Variants in INTS12 observed in about 807,000 individuals in gnomAD.
INTS12 encodes integrator complex subunit 12, also known as PHD finger protein 22.
A neutral mutation model predicts 41.6 loss-of-function variants in INTS12; 13 were observed. The observed-to-expected ratio is 0.31, with a 90% CI of 0.20 to 0.50. The LOEUF is 0.50. INTS12 is among the 20% of genes least tolerant of loss of function. The probability of loss-of-function intolerance (pLI) is 0.98; values close to 1 mark genes in which losing one functional copy is unlikely to be tolerated. For missense variants in INTS12, 432 were observed against 541.6 expected, an observed-to-expected ratio of 0.80 and a Z score of 2.01; for synonymous variants, 199 against 191.4, an observed-to-expected ratio of 1.04 and a Z score of -0.33.
At chr4:105,696,097 C>T (rs1029872477) in intron 3 of INTS12, among the ~76,000 whole-genome samples, 9 of 152,142 alleles carry the variant, frequency 5.9e-5, no homozygotes, top group Admixed American at 3.3e-4. Context: ...ATGATCCGCC[C>T]ACCTCGGCCT....
rs1731999323 is a variant in INTS12 at position 105,699,899 on chromosome 4, T to A, written c.107A>T (p.Asp36Val). The change falls in exon 3 of 8, where the codon GAT (aspartate) becomes GTT (valine). Residue 36 changes from aspartate to valine, a missense_variant. This residue lies in a region of INTS12 where 168 missense variants were observed against 198.9 expected (regional missense o/e 0.84). Transcript: ENST00000340139. Reference protein sequence around the residue: ...DSAEKLKALLDESLARGIDSS... With the variant: ...DSAEKLKALLVESLARGIDSS... ...ATCAATGCCCCGAGCCAAAGATTCA[T>A]CAAGCAGTGCTTTTAGCTTTTCAGC... The A allele has an allele frequency of 1.9e-6, 3 of 1,557,784 alleles. No homozygotes were observed. The East Asian group carries it at 6.8e-5, about 35-fold the overall frequency.
rs1437309532 is a variant in INTS12, at chr4:105,692,022, C to T, written c.611G>A (p.Arg204His). The T allele has an allele frequency of 6.2e-7, 1 of 1,608,044 alleles. No individual in the cohort carries two copies. Among genetic ancestry groups the T allele is most frequent in the Non-Finnish European group, 8.5e-7 (1 of 1,177,388 alleles). ...ACATCGGGCACAATACCACACCAGG[C>T]GAGGGTCATTCGCTTCCTTGTCTGT... Reference protein sequence around the residue: ...QVTDKEANDPRLVWYCARCTR... With the variant: ...QVTDKEANDPHLVWYCARCTR... Residue 204 changes from arginine to histidine, a missense_variant, in exon 6 of 8, where the codon CGC (arginine) becomes CAC (histidine). Coordinates refer to ENST00000340139, the MANE Select transcript of INTS12 (RefSeq NM_020395.4).
rs753268208 is a variant in INTS12 at position 105,682,742 on chromosome 4, G to C, written c.1380C>G (p.Leu460=). The C allele has an allele frequency of 1.2e-6, 2 of 1,613,004 alleles. No homozygotes were observed. Among genetic ancestry groups the C allele is most frequent in the Non-Finnish European group, 1.7e-6 (2 of 1,179,254 alleles). Residue 460 remains leucine, a synonymous_variant, in exon 8 of 8, where the codon CTC becomes CTG. Coordinates refer to ENST00000340139, the MANE Select transcript of INTS12 (RefSeq NM_020395.4). ...AACCTACTTGGCCACATTACTTCTTGAGTTTCTTTTGGGCAGCTTTCTTCT... is the reference window on the plus strand; with the variant it reads ...AACCTACTTGGCCACATTACTTCTTCAGTTTCTTTTGGGCAGCTTTCTTCT... ...MVKKKAAQKK[L]KK
At chr4:105,708,125 G>A in intron 1 of INTS12, 2 of 985,402 alleles carry the variant, frequency 2.0e-6, no homozygotes, top group African/African-American at 1.7e-5. Flanking sequence ...CCTCCACTGA[G>A]TTCTTGGTTC....
chr4:105,693,264 A>T, intron 5 of INTS12, 35 bp downstream of exon 5: 1 of 1,522,932 alleles, frequency 6.6e-7, no homozygotes, highest in Non-Finnish European at 8.9e-7. Context: ...TTCTTTATAA[A>T]GTAACAAAAG....
chr4:105,682,867 T>C lies in INTS12; in HGVS notation c.1255A>G (p.Lys419Glu), dbSNP rs1385789223. The C allele has an allele frequency of 6.2e-7, 1 of 1,614,004 alleles. No homozygotes were observed. Among genetic ancestry groups the C allele is most frequent in the Non-Finnish European group, 8.5e-7 (1 of 1,179,972 alleles). The change falls in exon 8 of 8, where the codon AAA (lysine) becomes GAA (glutamate). Residue 419 changes from lysine (K) to glutamate (E), a missense_variant. Around this residue, in one of 3 missense-constraint regions of INTS12, gnomAD observed 258 missense variants for 309.9 expected, o/e 0.83. Coordinates refer to ENST00000340139, the MANE Select transcript of INTS12 (RefSeq NM_020395.4). ...TSGPSGSTTSKTTSESSSSPS... is the reference protein window; with the variant it reads ...TSGPSGSTTSETTSESSSSPS... ...GAGCTGCTGGATTCTGAAGTAGTTT[T>C]GCTGGTAGTACTTCCACTAGGTCCT...
chr4:105,700,020 G>T lies in INTS12; in HGVS notation c.-9-6C>A. ...GTAGCAGCCATTGCAAACGCCTGAAGGAAAAAAAGAGAAAGTAATCTAGAA... is the reference window on the plus strand; with the variant it reads ...GTAGCAGCCATTGCAAACGCCTGAATGAAAAAAAGAGAAAGTAATCTAGAA... On this transcript the variant is annotated splice_region_variant and splice_polypyrimidine_tract_variant and intron_variant, in intron 2 of 7. Coordinates refer to ENST00000340139, the MANE Select transcript of INTS12 (RefSeq NM_020395.4). The T allele has an allele frequency of 6.9e-7, 1 of 1,453,366 alleles. No homozygotes were observed. The highest frequency in any genetic ancestry group is 1.6e-5 in the South Asian group (1 of 64,304). The allele number at this position is 1,453,366 out of a possible 1,614,324, so 90.0% of individuals were successfully genotyped here. A position where few individuals can be genotyped will look rare whatever the true frequency, so the allele number is the denominator to read the frequency against.
chr4:105,703,723 A>G lies in INTS12; in HGVS notation c.-85T>C, dbSNP rs1394864227. The G allele has an allele frequency of 1.3e-5, 2 of 152,072 alleles. No individual in the cohort carries two copies. Among genetic ancestry groups the G allele is most frequent in the Non-Finnish European group, 2.9e-5 (2 of 68,028 alleles). The allele number at this position is 152,072 out of a possible 1,614,324, so 9.4% of individuals were successfully genotyped here. On this transcript the variant is annotated 5_prime_UTR_variant, in exon 2 of 8. Coordinates refer to ENST00000340139, the MANE Select transcript of INTS12 (RefSeq NM_020395.4). The stretch of plus-strand genomic sequence containing the variant: ...CAATTCTCTCATCCTTCTCTGGTCA[A>G]CTCACTTCCCCACTTTCTGCAAAGA...
chr4:105,700,036 TA>T, intron 2 of INTS12, 22 bp from the exon 3 acceptor site: 5 of 1,442,980 alleles, frequency 3.5e-6, no homozygotes, highest in Non-Finnish European at 4.6e-6. Flanking sequence ...AAAGAGAAAG[TA>T]ATCTAGAAGA....
chr4:105,690,582 C>T (rs191420872), intron 6 of INTS12, among the ~76,000 whole-genome samples: 1 of 151,862 alleles, frequency 6.6e-6, no homozygotes, highest in Non-Finnish European at 1.5e-5. Flanking sequence ...ACAACTTTCA[C>T]TTTTAAATAT....
At chr4:105,700,944 T>C (rs2149189811) in intron 2 of INTS12, among the ~76,000 whole-genome samples, 1 of 152,282 alleles carries the variant, frequency 6.6e-6, no homozygotes, top group East Asian at 1.9e-4. Context: ...TAAAAATGTA[T>C]TCTTTGTGTT....
chr4:105,683,350 C>T, intron 7 of INTS12, 33 bp from the exon 8 acceptor site: 1 of 1,472,150 alleles, frequency 6.8e-7, no homozygotes, highest in Non-Finnish European at 9.2e-7. Context: ...TACATTAGAG[C>T]CAAGTTTAAT....
intron 3 of INTS12, among the ~76,000 whole-genome samples, chr4:105,697,233 T>C (rs975464172): frequency 2.0e-5 from 3 of 152,240 alleles, no homozygotes; most frequent in Non-Finnish European, 2.9e-5. Flanking sequence ...TTGTCATTAA[T>C]AGTATGCATA....
chr4:105,689,730 C>G (rs1271764497), intron 6 of INTS12, among the ~76,000 whole-genome samples: 1 of 151,976 alleles, frequency 6.6e-6, no homozygotes, highest in East Asian at 1.9e-4. Flanking sequence ...TAGCAAGACT[C>G]CATCTCTACA....
intron 1 of INTS12, among the ~76,000 whole-genome samples, chr4:105,707,151 T>C (rs1732305157): frequency 6.6e-6 from 1 of 152,116 alleles, no homozygotes. Context: ...TCTTTACCTA[T>C]TTTTATATAT....
At chr4:105,690,862 T>C (rs755548154) in intron 6 of INTS12, among the ~76,000 whole-genome samples, 2 of 152,224 alleles carry the variant, frequency 1.3e-5, no homozygotes, top group Non-Finnish European at 2.9e-5. Context: ...ATCAATGCTC[T>C]GGAATGCATT....
intron 6 of INTS12, among the ~76,000 whole-genome samples, chr4:105,690,631 T>C (rs930271963): frequency 4.6e-5 from 7 of 152,148 alleles, no homozygotes; most frequent in South Asian, 2.1e-4. Context: ...TAGTTAGCTA[T>C]AGAAGCTCAC....
intron 1 of INTS12, chr4:105,705,173 T>C (rs1732222683): frequency 6.6e-6 from 1 of 152,230 alleles, no homozygotes; most frequent in Middle Eastern, 3.2e-3. Context: ...TCACTTGCAT[T>C]ACTACCTGAG....
At chr4:105,687,021 G>A in intron 6 of INTS12, 183 bp from the exon 7 acceptor site, 1 of 593,290 alleles carries the variant, frequency 1.7e-6, no homozygotes, top group South Asian at 2.1e-5. Context: ...CTTACAGATT[G>A]TATTAGTTTC....
Sources: gnomAD v4.1 joint callset for allele counts (sites outside exome capture counted in the v4.1 genomes callset) on GRCh38, gnomAD v4.1.1 for gene constraint, gnomAD v4.1.1 regional missense constraint, MANE v1.5 for transcripts, NCBI Gene and HGNC (gene_info 2026-07-23, HGNC 2026-07-21) for gene names.